NRXN3: variants seen among roughly 807,000 people sequenced by gnomAD.
NRXN3 encodes neurexin III.
A neutral mutation model predicts 137.6 loss-of-function variants in NRXN3; 32 were observed. The observed-to-expected ratio is 0.23, with a 90% CI of 0.18 to 0.31. NRXN3 has a LOEUF of 0.31. Among genes scored for constraint, NRXN3 ranks in the 10% least tolerant of loss-of-function variants. The probability of loss-of-function intolerance (pLI) is 1.00; values close to 1 mark genes in which losing one functional copy is unlikely to be tolerated. For synonymous variants in NRXN3, 798 were observed against 784.5 expected (o/e 1.02, Z -0.29); for missense variants, 1,574 against 2,062.5 (o/e 0.76, Z 4.59).
intron 16 of NRXN3, among the ~76,000 whole-genome samples, chr14:79,658,115 TAACTC>T (rs1243403801): frequency 1.3e-5 from 2 of 152,198 alleles, no homozygotes; most frequent in African/African-American, 4.8e-5. Flanking sequence ...GTTATAGAAA[TAACTC>T]AATTATAACA....
At chr14:79,332,391 G>A (rs1345617797) in intron 15 of NRXN3, among the ~76,000 whole-genome samples, 1 of 152,140 alleles carries the variant, frequency 6.6e-6, no homozygotes, top group East Asian at 1.9e-4. Flanking sequence ...CAACTCACCA[G>A]TATGCACCGG....
At chr14:79,125,254 C>G (rs781242052) in intron 15 of NRXN3, among the ~76,000 whole-genome samples, 7 of 152,150 alleles carry the variant, frequency 4.6e-5, no homozygotes, top group Admixed American at 1.3e-4. Context: ...ATCATAATGT[C>G]CTTTTGCCAT....
At chr14:78,580,613 T>C (rs1210562612) in intron 4 of NRXN3, among the ~76,000 whole-genome samples, 4 of 152,294 alleles carry the variant, frequency 2.6e-5, no homozygotes, top group South Asian at 4.1e-4. Context: ...TCAGGTTTCA[T>C]TCACCCTTGA....
intron 6 of NRXN3, among the ~76,000 whole-genome samples, chr14:78,680,719 T>C (rs2098065730): frequency 6.6e-6 from 1 of 152,190 alleles, no homozygotes; most frequent in African/African-American, 2.4e-5. Context: ...TTTTGTCTGT[T>C]GCTGTCCCTC....
intron 16 of NRXN3, among the ~76,000 whole-genome samples, chr14:79,548,555 G>A (rs573129184): frequency 2.8e-4 from 43 of 151,954 alleles, no homozygotes; most frequent in Admixed American, 2.6e-4. Context: ...TATATACCCT[G>A]CAATCCCATT....
At chr14:79,187,108 A>C (rs2063635642) in intron 15 of NRXN3, among the ~76,000 whole-genome samples, 1 of 152,236 alleles carries the variant, frequency 6.6e-6, no homozygotes, top group Non-Finnish European at 1.5e-5. Context: ...CCAGCCTAAA[A>C]TTAAGGATGC....
chr14:79,531,225 A>C (rs912355080), intron 16 of NRXN3, among the ~76,000 whole-genome samples: 3 of 152,332 alleles, frequency 2.0e-5, no homozygotes, highest in South Asian at 2.1e-4. Context: ...GCTTTGTAGA[A>C]AGTACAGATA....
In NRXN3 at chr14:78,882,077, G is replaced by C. The variant is rs140034501; in HGVS notation, c.2275+71733G>C. Among the ~76,000 whole-genome samples, 81 of 151,958 alleles carry C rather than the reference G, an allele frequency of 5.3e-4. 6 individuals are homozygous for C. Among genetic ancestry groups the C allele is most frequent in the African/African-American group, 1.7e-3 (71 of 41,198 alleles). The stretch of plus-strand genomic sequence containing the variant: ...CCCCATTCTTGGCAGCTTCCACATA[G>C]TGTTGGGCCTGTGATTGTATAGAAG... On this transcript the variant is annotated intron_variant, in intron 10 of 20. Transcript: ENST00000335750.
chr14:78,904,977 A>G (rs1227420994), intron 10 of NRXN3, among the ~76,000 whole-genome samples: 1 of 151,944 alleles, frequency 6.6e-6, no homozygotes, highest in Non-Finnish European at 1.5e-5. Context: ...TCCTCTTTCA[A>G]CATGATCCTG....
At chr14:79,298,813 C>T (rs1317185774) in intron 15 of NRXN3, 1 of 152,104 alleles carries the variant, frequency 6.6e-6, no homozygotes, top group African/African-American at 2.4e-5. Flanking sequence ...GGGGGATTTC[C>T]TTGAGGAGGT....
chr14:79,089,510 G>C (rs1291303889), intron 15 of NRXN3, among the ~76,000 whole-genome samples: 6 of 152,144 alleles, frequency 3.9e-5, no homozygotes, highest in African/African-American at 1.4e-4. Flanking sequence ...TTGTTCAACA[G>C]TTATTTCATA....
At chr14:79,216,808 A>G (rs1473023523) in intron 15 of NRXN3, among the ~76,000 whole-genome samples, 1 of 152,182 alleles carries the variant, frequency 6.6e-6, no homozygotes, top group Non-Finnish European at 1.5e-5. Context: ...TTGTGACCCT[A>G]TAAAGGAACA....
At chr14:78,475,275 A>G (rs983889596) in intron 4 of NRXN3, among the ~76,000 whole-genome samples, 2 of 152,118 alleles carry the variant, frequency 1.3e-5, no homozygotes, top group African/African-American at 4.8e-5. Flanking sequence ...CCTATATGCT[A>G]TTTAATTTTG....
chr14:79,649,521 G>T (rs1251375318), intron 16 of NRXN3, among the ~76,000 whole-genome samples: 1 of 152,066 alleles, frequency 6.6e-6, no homozygotes, highest in East Asian at 1.9e-4. Flanking sequence ...CTTTGGGTAA[G>T]AGAGAAGATA....
chr14:79,277,553 A>G (rs888125227), intron 15 of NRXN3, among the ~76,000 whole-genome samples: 1 of 152,210 alleles, frequency 6.6e-6, no homozygotes, highest in Non-Finnish European at 1.5e-5. Flanking sequence ...TGGACAAAGA[A>G]TATTGCCACT....
chr14:79,561,811 G>C (rs1032644878), intron 16 of NRXN3, among the ~76,000 whole-genome samples: 14 of 151,894 alleles, frequency 9.2e-5, no homozygotes, highest in African/African-American at 2.7e-4. Flanking sequence ...GAAAAGAAAA[G>C]AAAAAAAGCT....
intron 4 of NRXN3, among the ~76,000 whole-genome samples, chr14:78,349,097 T>C (rs950791824): frequency 1.3e-5 from 2 of 152,214 alleles, no homozygotes; most frequent in African/African-American, 4.8e-5. Flanking sequence ...TGTGGTGCCT[T>C]TAGAAGCTAA....
intron 4 of NRXN3, among the ~76,000 whole-genome samples, chr14:78,367,249 T>C (rs1044974134): frequency 2.6e-5 from 4 of 152,300 alleles, no homozygotes; most frequent in African/African-American, 4.8e-5. Flanking sequence ...TTTCTGGCTT[T>C]TTCTTGCTTA....
intron 4 of NRXN3, among the ~76,000 whole-genome samples, chr14:78,457,047 C>T (rs116407311): frequency 6.8e-6 from 1 of 147,872 alleles, no homozygotes; most frequent in East Asian, 2.0e-4. Context: ...CCCTCTCCCC[C>T]GCCACCTCCT....
Sources: gnomAD v4.1 joint callset for allele counts (sites outside exome capture counted in the v4.1 genomes callset) on GRCh38, gnomAD v4.1.1 for gene constraint, MANE v1.5 for transcripts, NCBI Gene and HGNC (gene_info 2026-07-23, HGNC 2026-07-21) for gene names.